Variants in RNF220 observed in about 807,000 individuals in gnomAD.
RNF220 encodes the protein E3 ubiquitin-protein ligase RNF220.
In RNF220, 7 loss-of-function variants were observed where a neutral mutation model predicts 67.1. The ratio of observed to expected loss-of-function variants is 0.10; its 90% confidence interval spans 0.06 to 0.20. The LOEUF (loss-of-function observed/expected upper bound fraction) is 0.20. Among genes scored for constraint, RNF220 ranks in the 10% least tolerant of loss-of-function variants. The pLI, the probability that RNF220 is intolerant of heterozygous loss-of-function variation, is 1.00. For synonymous variants in RNF220, 270 were observed against 283.2 expected, an observed-to-expected ratio of 0.95 and a Z score of 0.47; for missense variants, 565 against 740.3, an observed-to-expected ratio of 0.76 and a Z score of 2.75.
At chr1:44,488,638 A>G (rs1021769106) in intron 2 of RNF220, among the ~76,000 whole-genome samples, 1 of 152,124 alleles carries the variant, frequency 6.6e-6, no homozygotes, top group Non-Finnish European at 1.5e-5. Flanking sequence ...ATAGTAAGAA[A>G]TATGTTTTAC....
intron 2 of RNF220, among the ~76,000 whole-genome samples, chr1:44,480,505 T>TA (rs1655701614): frequency 6.6e-6 from 1 of 152,130 alleles, no homozygotes. Flanking sequence ...AAGCCCTGGA[T>TA]AACTCTAACA....
rs1049357160 is a variant in RNF220, at chr1:44,649,284, GCTGT to G, written c.1446-373_1446-370del. 6.9e-6 allele frequency: 2 copies of G among 288,412 alleles called. No homozygotes were observed. The highest frequency in any genetic ancestry group is 4.5e-5 in the African/African-American group (2 of 44,636). The allele number at this position is 288,412 out of a possible 1,614,324, so 17.9% of individuals were successfully genotyped here. On this transcript the variant is annotated intron_variant, in intron 12 of 14. Transcript: ENST00000361799. The surrounding 1 kb of genome is among the most constrained non-coding windows in gnomAD (Gnocchi z 5.9). ...AGATGAGGGGCCTGGAGGCAGAAAG[GCTGT>G]CTGGAAAAAGTTAGTGGTGGAATTG...
At chr1:44,472,718 T>C (rs1203536380) in intron 2 of RNF220, among the ~76,000 whole-genome samples, 1 of 152,232 alleles carries the variant, frequency 6.6e-6, no homozygotes, top group Non-Finnish European at 1.5e-5. Context: ...TCTCACACTT[T>C]CTGTTTTAGC....
intron 2 of RNF220, among the ~76,000 whole-genome samples, chr1:44,505,838 T>C (rs751887986): frequency 1.6e-4 from 24 of 152,210 alleles, no homozygotes; most frequent in Non-Finnish European, 2.8e-4. Context: ...TGGGTTTTTC[T>C]TTTTTCCTCT....
intron 2 of RNF220, among the ~76,000 whole-genome samples, chr1:44,577,147 T>G: frequency 6.6e-6 from 1 of 152,202 alleles, no homozygotes; most frequent in East Asian, 1.9e-4. Flanking sequence ...AAGTTCACTC[T>G]ACATTCCAAT....
intron 2 of RNF220, among the ~76,000 whole-genome samples, chr1:44,561,020 A>T (rs1000932300): frequency 1.3e-5 from 2 of 152,234 alleles, no homozygotes; most frequent in African/African-American, 2.4e-5. Context: ...TTCAGCAAAC[A>T]GTGATGCCAA....
chr1:44,641,793 A>G (rs1336362143), intron 8 of RNF220, among the ~76,000 whole-genome samples: 1 of 152,216 alleles, frequency 6.6e-6, no homozygotes, highest in East Asian at 1.9e-4. Flanking sequence ...GAGGTTCCCA[A>G]CATCTGTCTC....
chr1:44,447,045 T>C (rs1010875044), intron 2 of RNF220, among the ~76,000 whole-genome samples: 4 of 152,242 alleles, frequency 2.6e-5, no homozygotes, highest in African/African-American at 9.6e-5. Context: ...TTAATTATTA[T>C]AGTGATAACC....
intron 2 of RNF220, among the ~76,000 whole-genome samples, chr1:44,585,157 C>T (rs270711): frequency 0.48 from 72,314 of 151,996 alleles, 17,306 homozygotes; most frequent in Middle Eastern, 0.59. Context: ...CCCCAGGCCC[C>T]GTGGGTTTCC....
At chr1:44,424,714 C>T (rs776111415) in intron 2 of RNF220, among the ~76,000 whole-genome samples, 47 of 152,326 alleles carry the variant, frequency 3.1e-4, no homozygotes, top group Admixed American at 1.3e-3. Flanking sequence ...TGCTCCTCCT[C>T]GGATTGCCTC....
At chr1:44,480,186 T>C (rs924788265) in intron 2 of RNF220, among the ~76,000 whole-genome samples, 4 of 152,154 alleles carry the variant, frequency 2.6e-5, no homozygotes, top group African/African-American at 9.7e-5. Flanking sequence ...AGTGGATCAC[T>C]TGAGTCCAGG....
intron 2 of RNF220, among the ~76,000 whole-genome samples, chr1:44,508,008 G>A (rs1658599275): frequency 6.6e-6 from 1 of 152,140 alleles, no homozygotes; most frequent in South Asian, 2.1e-4. Context: ...CATCTGTGCT[G>A]GGGTAGGATC....
intron 2 of RNF220, chr1:44,424,181 T>C (rs1649513807): frequency 4.4e-6 from 1 of 228,556 alleles, no homozygotes; most frequent in Non-Finnish European, 7.2e-6. Flanking sequence ...AATGATAATG[T>C]AAAATAACAG....
intron 2 of RNF220, among the ~76,000 whole-genome samples, chr1:44,573,932 G>A (rs1016252717): frequency 2.6e-5 from 4 of 151,800 alleles, no homozygotes; most frequent in East Asian, 1.9e-4. Context: ...TGGGCAACAC[G>A]GCACAACCCC....
chr1:44,458,492 T>C (rs1403082343), intron 2 of RNF220, among the ~76,000 whole-genome samples: 2 of 152,144 alleles, frequency 1.3e-5, no homozygotes, highest in Non-Finnish European at 1.5e-5. Flanking sequence ...CAGAGAGTTA[T>C]TGTGAGGATG....
chr1:44,461,471 T>G (rs1318191645), intron 2 of RNF220, among the ~76,000 whole-genome samples: 1 of 152,240 alleles, frequency 6.6e-6, no homozygotes, highest in African/African-American at 2.4e-5. Context: ...GTGGATGTTT[T>G]GGTGATCTGT....
intron 6 of RNF220, among the ~76,000 whole-genome samples, chr1:44,633,553 G>A (rs1644234041): frequency 1.3e-5 from 2 of 152,242 alleles, no homozygotes; most frequent in Admixed American, 6.5e-5. Context: ...AGAATTTGCA[G>A]ATGAAGCCCA....
At chr1:44,515,763 A>G (rs1362628346) in intron 2 of RNF220, among the ~76,000 whole-genome samples, 1 of 152,228 alleles carries the variant, frequency 6.6e-6, no homozygotes. Context: ...ATGCTCCAAG[A>G]GTCTAGGAAA....
chr1:44,557,288 A>G (rs1663185994), intron 2 of RNF220, among the ~76,000 whole-genome samples: 1 of 150,910 alleles, frequency 6.6e-6, no homozygotes, highest in Admixed American at 6.6e-5. Context: ...TGGGAGTCTG[A>G]GATGGGAGCA....
Sources: allele counts gnomAD v4.1 joint callset (sites outside exome capture counted in the v4.1 genomes callset), GRCh38; gene constraint gnomAD v4.1.1; non-coding constraint Gnocchi (gnomAD v3.1); transcripts MANE v1.5; gene names NCBI Gene and HGNC (gene_info 2026-07-23, HGNC 2026-07-21).